Variants in FUT8 observed in about 807,000 individuals in gnomAD.
The protein encoded by FUT8 is alpha-(1,6)-fucosyltransferase.
FUT8 carries 29 observed loss-of-function variants against 71.3 expected under a neutral mutation model. The ratio of observed to expected loss-of-function variants is 0.41; its 90% CI spans 0.30 to 0.55. The LOEUF (loss-of-function observed/expected upper bound fraction) is 0.55, where lower values mean the gene tolerates loss of function less well. FUT8 is among the 20% of genes least tolerant of loss of function. FUT8 has a pLI of 0.34. For missense variants in FUT8, 544 were observed against 702.1 expected (o/e 0.77, Z 2.55); for synonymous variants, 254 against 239.3 (o/e 1.06, Z -0.57).
chr14:65,468,909 C>T (rs2066090356), intron 2 of FUT8, among the ~76,000 whole-genome samples: 1 of 152,058 alleles, frequency 6.6e-6, no homozygotes. Context: ...GTGATTCTCC[C>T]TCCTCAGCTT....
At chr14:65,407,676 T>TA (rs751858406), upstream of FUT8, among the ~76,000 whole-genome samples, 1 of 152,182 alleles carries the variant, frequency 6.6e-6, no homozygotes, top group Non-Finnish European at 1.5e-5. Context: ...ATATACAAGA[T>TA]AGAGTTTTTG....
intron 3 of FUT8, among the ~76,000 whole-genome samples, chr14:65,596,747 A>C (rs567423288): frequency 1.0e-3 from 153 of 152,284 alleles, no homozygotes; most frequent in African/African-American, 3.4e-3. Context: ...ATGAAATCAT[A>C]GTTTAAAATG....
At chr14:65,617,096 G>C in intron 5 of FUT8, 48 of 1,594,590 alleles carry the variant, frequency 3.0e-5, no homozygotes, top group Non-Finnish European at 4.1e-5. Flanking sequence ...GTAGGATTCT[G>C]ATGGCAATTA....
At chr14:65,629,448 G>A (rs749343582) in intron 5 of FUT8, 44 bp from the exon 6 acceptor site, 2 of 1,213,398 alleles carry the variant, frequency 1.6e-6, no homozygotes, top group South Asian at 1.2e-5. Flanking sequence ...ATCCAGTGAA[G>A]CAGTACAGAC....
intron 6 of FUT8, among the ~76,000 whole-genome samples, chr14:65,662,180 G>A (rs1891998826): frequency 6.6e-6 from 1 of 152,108 alleles, no homozygotes; most frequent in Non-Finnish European, 1.5e-5. Flanking sequence ...TTGGGAGCCT[G>A]ACGTGGGAGA....
intron 3 of FUT8, among the ~76,000 whole-genome samples, chr14:65,563,781 G>A (rs117101361): frequency 0.012 from 1,835 of 152,054 alleles, 15 homozygotes; most frequent in South Asian, 0.024. Context: ...TGAAGGGAAA[G>A]CTTGCTTTAG....
chr14:65,606,480 GATC>G (rs1177648417), intron 3 of FUT8, among the ~76,000 whole-genome samples: 1 of 151,734 alleles, frequency 6.6e-6, no homozygotes, highest in Non-Finnish European at 1.5e-5. Context: ...TCTCTCCCAA[GATC>G]ATGAAGAATG....
At chr14:65,380,549 A>G in the FUT8 span, among the ~76,000 whole-genome samples, 60 of 152,358 alleles carry the variant, frequency 3.9e-4, no homozygotes, top group African/African-American at 1.3e-3. Context: ...TAGTGGTTCA[A>G]TATTCACGCT....
chr14:65,478,756 GAT>G (rs2066285400), intron 2 of FUT8, among the ~76,000 whole-genome samples: 1 of 152,148 alleles, frequency 6.6e-6, no homozygotes, highest in Admixed American at 6.5e-5. Flanking sequence ...TGACCAATGA[GAT>G]ATGTTTTCTT....
At chr14:65,385,670 C>G in the FUT8 span, among the ~76,000 whole-genome samples, 1 of 151,992 alleles carries the variant, frequency 6.6e-6, no homozygotes, top group Non-Finnish European at 1.5e-5. Context: ...TTATAATTGT[C>G]TTAGCAATTA....
intron 2 of FUT8, among the ~76,000 whole-genome samples, chr14:65,533,796 T>C (rs1482667584): frequency 1.3e-5 from 2 of 152,192 alleles, no homozygotes; most frequent in Non-Finnish European, 2.9e-5. Flanking sequence ...TTGATGTATG[T>C]TCCTTCAATA....
chr14:65,457,718 AC>A (rs2065912242), intron 2 of FUT8, among the ~76,000 whole-genome samples: 1 of 152,172 alleles, frequency 6.6e-6, no homozygotes, highest in African/African-American at 2.4e-5. Flanking sequence ...GTGAAACAGA[AC>A]AGAGCAGGGA....
At chr14:65,500,354 C>T (rs2066627034) in intron 2 of FUT8, among the ~76,000 whole-genome samples, 1 of 152,018 alleles carries the variant, frequency 6.6e-6, no homozygotes, top group Non-Finnish European at 1.5e-5. Context: ...TCATCATTGT[C>T]GTCATCATCA....
Position 65,744,074 on chromosome 14 carries a change from A to G in FUT8, c.*1664A>G, listed in dbSNP as rs972409865. 6.6e-6 allele frequency: 1 copy of G among 151,962 alleles called. No homozygotes were observed. Among genetic ancestry groups the G allele is most frequent in the Non-Finnish European group, 1.5e-5 (1 of 67,888 alleles). 9.4% of individuals were successfully genotyped at this position (151,962 alleles called of 1,614,324 possible). ...AAATTAACTTCCTACAGTGTCAGCA[A>G]GCAATTTTCCATTTAGTTTTGGTAC... On this transcript the variant is annotated 3_prime_UTR_variant, in exon 11 of 11. Transcript: ENST00000673929.
At chr14:65,633,655 G>A (rs1348792608) in intron 6 of FUT8, among the ~76,000 whole-genome samples, 3 of 150,324 alleles carry the variant, frequency 2.0e-5, no homozygotes, top group Admixed American at 1.3e-4. Context: ...TGTGAGGAGC[G>A]CCTCTGCCCG....
chr14:65,366,395 T>C, the FUT8 span, among the ~76,000 whole-genome samples: 3 of 152,188 alleles, frequency 2.0e-5, no homozygotes, highest in East Asian at 5.8e-4. Context: ...AGACTGGACA[T>C]TGGAAAACTA....
intron 7 of FUT8, among the ~76,000 whole-genome samples, chr14:65,717,945 T>C (rs964851123): frequency 6.6e-6 from 1 of 152,244 alleles, no homozygotes; most frequent in African/African-American, 2.4e-5. Flanking sequence ...ATTTTTAGTC[T>C]GTGTGTCTTT....
the FUT8 span, among the ~76,000 whole-genome samples, chr14:65,386,837 ATTTTT>A: frequency 1.2e-5 from 1 of 82,014 alleles, no homozygotes; most frequent in African/African-American, 4.3e-5. Context: ...TCTTCCTTTA[ATTTTT>A]TTTTTTTTTT....
At chr14:65,611,487 A>G (rs1888996394) in intron 3 of FUT8, among the ~76,000 whole-genome samples, 1 of 150,532 alleles carries the variant, frequency 6.6e-6, no homozygotes. Flanking sequence ...GATCTTTATT[A>G]CTTCGTTTCT....
Sources: gnomAD v4.1 joint callset for allele counts (sites outside exome capture counted in the v4.1 genomes callset) on GRCh38, gnomAD v4.1.1 for gene constraint, MANE v1.5 for transcripts, NCBI Gene and HGNC (gene_info 2026-07-23, HGNC 2026-07-21) for gene names.